EVPL: variants seen among roughly 807,000 people sequenced by gnomAD.
The protein encoded by EVPL is envoplakin, also known as 210 kDa cornified envelope precursor protein.
A neutral mutation model predicts 129.7 loss-of-function variants in EVPL; 94 were observed. That is an observed-to-expected ratio of 0.72 (90% confidence interval 0.61 to 0.86). The LOEUF (loss-of-function observed/expected upper bound fraction) is 0.86, where lower values mean the gene tolerates loss of function less well. Among genes scored for constraint, EVPL ranks in the 40% least tolerant of loss-of-function variants. EVPL has a pLI of 0.00. For missense variants in EVPL, 2,625 were observed against 2,721.1 expected (o/e 0.96, Z 0.79); for synonymous variants, 1,172 against 1,191.1 (o/e 0.98, Z 0.33).
rs1216001610 is a variant in EVPL, at chr17:76,024,880, A to G, written c.99-760T>C. Reference sequence around the variant, plus strand: ...CTGTGTGCATGCACTCACTGTGCGGAGGTCACAAGGTCAAGCAGACCTAAA... The same window carrying G: ...CTGTGTGCATGCACTCACTGTGCGGGGGTCACAAGGTCAAGCAGACCTAAA... On this transcript the variant is annotated intron_variant, in intron 1 of 21. Transcript: ENST00000301607. The surrounding 1 kb of genome is among the most constrained non-coding windows in gnomAD (Gnocchi z 4.5). 6.6e-6 allele frequency among the ~76,000 whole-genome samples: 1 copy of G among 152,190 alleles called. No individual in the cohort carries two copies. The highest frequency in any genetic ancestry group is 1.5e-5 in the Non-Finnish European group (1 of 68,030).
chr17:76,009,460 C>T lies in EVPL; in HGVS notation c.3745G>A (p.Glu1249Lys), dbSNP rs774132608. 3 of 1,614,148 alleles carry T rather than the reference C, an allele frequency of 1.9e-6. No homozygotes were observed. The South Asian group carries it at 3.3e-5, about 18-fold the overall frequency. ...EVLRAQKPTV[E>K]YKEVTQEVVR... ...ACCTCCTGGGTCACCTCCTTGTACT[C>T]CACCGTGGGCTTCTGGGCCCGCAGG... Residue 1249 changes from glutamate (E) to lysine (K), a missense_variant, in exon 22 of 22, where the codon GAG becomes AAG. Transcript: ENST00000301607. This position sits in a 1 kb window ranked among gnomAD's most constrained non-coding sequence, Gnocchi z 5.9.
Position 76,022,064 on chromosome 17 carries a change from G to C in EVPL, c.646-36C>G. 9.6e-6 allele frequency: 15 copies of C among 1,558,948 alleles called. No individual in the cohort carries two copies. The highest frequency in any genetic ancestry group is 1.3e-5 in the Non-Finnish European group (15 of 1,157,528). On this transcript the variant is annotated intron_variant, in intron 6 of 21. Transcript: ENST00000301607. This position sits in a 1 kb window ranked among gnomAD's most constrained non-coding sequence, Gnocchi z 5.6. ...GACCCGCCGCCAGCAGCAGGGTGGGGAGACAGAAAGTGGGGGGCAAAAGGC... is the reference window on the plus strand; with the variant it reads ...GACCCGCCGCCAGCAGCAGGGTGGGCAGACAGAAAGTGGGGGGCAAAAGGC...
Position 76,010,546 on chromosome 17 carries a change from G to A in EVPL, c.2662-3C>T. The stretch of plus-strand genomic sequence containing the variant: ...CGGATGTCCTCACTGAGCTCCTTCT[G>A]CAGAGAGGAAGAAGGGTAGAGCACG... On this transcript the variant is annotated splice_region_variant and splice_polypyrimidine_tract_variant and intron_variant, in intron 21 of 21. Coordinates refer to ENST00000301607, the MANE Select transcript of EVPL (RefSeq NM_001988.4). The A allele has an allele frequency of 6.2e-7, 1 of 1,609,218 alleles. No homozygotes were observed. Among genetic ancestry groups the A allele is most frequent in the Non-Finnish European group, 8.5e-7 (1 of 1,177,594 alleles).
At chr17:76,017,610 G>A (rs2066426291) in intron 14 of EVPL, 129 bp downstream of exon 14, 27 of 1,301,384 alleles carry the variant, frequency 2.1e-5, no homozygotes, top group South Asian at 1.9e-4. Flanking sequence ...GTCTGAGCCC[G>A]GGTCTGTCCA....
Position 76,015,097 on chromosome 17 carries a change from C to T in EVPL, c.2041G>A (p.Glu681Lys). ...ACGCAGGTCTGCTGTTCCAGCAGCTCCCTCCGCTGGCGCTGCAGGAGGAGG... is the reference window on the plus strand; with the variant it reads ...ACGCAGGTCTGCTGTTCCAGCAGCTTCCTCCGCTGGCGCTGCAGGAGGAGG... The part of the protein sequence containing the change: ...RVSELQRQRR[E>K]LLEQQTCVLR... Residue 681 changes from glutamate to lysine, a missense_variant, in exon 17 of 22, where the codon GAG (glutamate) becomes AAG (lysine). By Grantham distance (56) the Glu-to-Lys change is moderately conservative (BLOSUM62 1). Transcript: ENST00000301607. 1.3e-6 allele frequency: 2 copies of T among 1,574,364 alleles called. No homozygotes were observed. The highest frequency in any genetic ancestry group is 1.7e-6 in the Non-Finnish European group (2 of 1,160,176).
In EVPL at chr17:76,007,309, C is replaced by T. The variant is rs759685839; in HGVS notation, c.5896G>A (p.Glu1966Lys). The stretch of plus-strand genomic sequence containing the variant: ...TCCTGCAGGAGCTGGGCCAGCTCTT[C>T]ACTGATCATCCCGGAGAGGAGGGCC... The part of the protein sequence containing the change: ...QQALLSGMIS[E>K]ELAQLLQDES... The change falls in exon 22 of 22, where the codon GAA (glutamate) becomes AAA (lysine). Residue 1966 changes from glutamate (E) to lysine (K), a missense_variant. Around this residue, in one of 4 missense-constraint regions of EVPL, gnomAD observed 1,453 missense variants for 1,511.8 expected, o/e 0.96. Transcript: ENST00000301607. The surrounding 1 kb of genome is among the most constrained non-coding windows in gnomAD (Gnocchi z 8.8). 4.5e-6 allele frequency: 7 copies of T among 1,557,538 alleles called. No individual in the cohort carries two copies. The highest frequency in any genetic ancestry group is 6.1e-6 in the Non-Finnish European group (7 of 1,149,102).
rs1328887062 is a variant in EVPL at position 76,009,903 on chromosome 17, T to TC, written c.3301dup (p.Glu1101GlyfsTer161). 1 of 1,614,042 alleles carries TC rather than the reference T, an allele frequency of 6.2e-7. No individual in the cohort carries two copies. Among genetic ancestry groups the TC allele is most frequent in the African/African-American group, 1.3e-5 (1 of 74,936 alleles). The stretch of plus-strand genomic sequence containing the variant: ...CGCCTGCTTCCTCCGCGCAGCATCC[T>TC]CCTCCATCTGCAGCCTCAGAGCCTG... On this transcript the variant is annotated frameshift_variant, in exon 22 of 22. Coordinates refer to ENST00000301607, the MANE Select transcript of EVPL (RefSeq NM_001988.4). LOFTEE classifies it low-confidence loss of function (END_TRUNC). The surrounding 1 kb of genome is among the most constrained non-coding windows in gnomAD (Gnocchi z 5.9).
At position 76,021,671 on chromosome 17, in the gene EVPL, C is replaced by A. The variant is rs774703461; in HGVS notation, c.915+3G>T. 1.2e-6 allele frequency: 2 copies of A among 1,606,992 alleles called. No individual in the cohort carries two copies. The highest frequency in any genetic ancestry group is 1.1e-5 in the South Asian group (1 of 90,310). ...TTCTCACTCTCGCCCTGCCCCAGCG[C>A]ACCTGGATGGGCCCCACCGCGGGGT... is the stretch of plus-strand genomic sequence containing the variant. On this transcript the variant is annotated splice_donor_region_variant and intron_variant, in intron 8 of 21. Coordinates refer to ENST00000301607, the MANE Select transcript of EVPL (RefSeq NM_001988.4).
rs1022795455 is a variant in EVPL, at chr17:76,013,315, C to T, written c.2373+1111G>A. ...CCCCCTTCCCAATGTCACCTCCCTA[C>T]TCTCTCCCCAGATATTCTCATTTTC... is the stretch of plus-strand genomic sequence containing the variant. On this transcript the variant is annotated intron_variant, in intron 18 of 21. Transcript: ENST00000301607. This position sits in a 1 kb window ranked among gnomAD's most constrained non-coding sequence, Gnocchi z 4.3. Among the ~76,000 whole-genome samples the T allele has an allele frequency of 2.0e-5, 3 of 152,130 alleles. No individual in the cohort carries two copies. The highest frequency in any genetic ancestry group is 4.4e-5 in the Non-Finnish European group (3 of 68,006).
Position 76,011,878 on chromosome 17 carries a change from TA to T in EVPL, c.2461del (p.Tyr821MetfsTer97). The T allele has an allele frequency of 6.2e-7, 1 of 1,613,262 alleles. No homozygotes were observed. Among genetic ancestry groups the T allele is most frequent in the African/African-American group, 1.3e-5 (1 of 74,964 alleles). On this transcript the variant is annotated frameshift_variant, in exon 20 of 22. Coordinates refer to ENST00000301607, the MANE Select transcript of EVPL (RefSeq NM_001988.4). LOFTEE classifies it high-confidence loss of function. ...SQALQAALQD[Y>X]ELQADTYRCS... ...GCGGTAGGTGTCTGCCTGGAGCTCA[TA>T]GTCCTGAGCAGGGAGGAAAGGACAG...
chr17:76,009,298 G>A lies in EVPL; in HGVS notation c.3907C>T (p.Arg1303Cys), dbSNP rs779308644. ...RLQGERDEWR[R>C]ERAKVETKTV... is the part of the protein sequence containing the mutation. ...TTGGTCTCCACCTTGGCCCGCTCGC[G>A]CCTCCACTCGTCGCGCTCACCCTGC... The change falls in exon 22 of 22, where the codon CGC (arginine) becomes TGC (cysteine). Residue 1303 changes from arginine (R) to cysteine (C), a missense_variant. This residue lies in a region of EVPL where 1,453 missense variants were observed against 1,511.8 expected (regional missense o/e 0.96). Transcript: ENST00000301607. The surrounding 1 kb of genome is among the most constrained non-coding windows in gnomAD (Gnocchi z 5.9). The A allele has an allele frequency of 5.6e-6, 9 of 1,608,684 alleles. No individual in the cohort carries two copies. The highest frequency in any genetic ancestry group is 1.7e-5 in the Admixed American group (1 of 59,992).
chr17:76,007,432 A>G lies in EVPL; in HGVS notation c.5773T>C (p.Trp1925Arg), dbSNP rs549630009. Residue 1925 changes from tryptophan (W) to arginine (R), a missense_variant, in exon 22 of 22, where the codon TGG (tryptophan) becomes CGG (arginine). Coordinates refer to ENST00000301607, the MANE Select transcript of EVPL (RefSeq NM_001988.4). The surrounding 1 kb of genome is among the most constrained non-coding windows in gnomAD (Gnocchi z 8.8). ...LSVGEAVQKG[W>R]MPRESVLPHL... ...GGGAGCACGCTCTCCCGGGGCATCCAGCCCTTCTGGACGGCCTCGCCCACC... is the reference window on the plus strand; with the variant it reads ...GGGAGCACGCTCTCCCGGGGCATCCGGCCCTTCTGGACGGCCTCGCCCACC... 1 of 1,606,242 alleles carries G rather than the reference A, an allele frequency of 6.2e-7. No individual in the cohort carries two copies. The highest frequency in any genetic ancestry group is 1.3e-5 in the African/African-American group (1 of 74,806).
rs762565097 is a variant in EVPL at position 76,009,092 on chromosome 17, C to T, written c.4113G>A (p.Val1371=). ...LERRKPEEKV[V]VQEVVVTQKD... ...TCTGGGTGACCACCACCTCCTGCAC[C>T]ACCACCTTCTCCTCGGGCTTCCTCC... Residue 1371 remains valine (V), a synonymous_variant, in exon 22 of 22, where the codon GTG becomes GTA. Coordinates refer to ENST00000301607, the MANE Select transcript of EVPL (RefSeq NM_001988.4). The surrounding 1 kb of genome is among the most constrained non-coding windows in gnomAD (Gnocchi z 5.9). 2 of 1,613,370 alleles carry T rather than the reference C, an allele frequency of 1.2e-6. No individual in the cohort carries two copies. Among genetic ancestry groups the T allele is most frequent in the Non-Finnish European group, 1.7e-6 (2 of 1,179,546 alleles).
chr17:76,012,056 C>G lies in EVPL; in HGVS notation c.2407G>C (p.Asp803His), dbSNP rs761071739. 3 of 1,612,056 alleles carry G rather than the reference C, an allele frequency of 1.9e-6. No individual in the cohort carries two copies. In the Admixed American group the frequency reaches 5.0e-5, roughly 27 times the overall value. The stretch of plus-strand genomic sequence containing the variant: ...GAGAGGTGGGATGCTGTGGCCCTGT[C>G]CCGCTCTCGGCTCTGGATCTCCTGC... Reference protein sequence around the residue: ...LTQEIQSRERDRATASHLSQA... With the variant: ...LTQEIQSRERHRATASHLSQA... The change falls in exon 19 of 22, where the codon GAC becomes CAC. Residue 803 changes from aspartate (D) to histidine (H), a missense_variant. By Grantham distance (81) the Asp-to-His change is moderately conservative (BLOSUM62 -1). This residue lies in a region of EVPL where 1,024 missense variants were observed against 997.5 expected (regional missense o/e 1.03). Coordinates refer to ENST00000301607, the MANE Select transcript of EVPL (RefSeq NM_001988.4).
intron 9 of EVPL, among the ~76,000 whole-genome samples, chr17:76,020,505 G>A (rs1368196415): frequency 6.6e-6 from 1 of 152,042 alleles, no homozygotes; most frequent in African/African-American, 2.4e-5. Context: ...TGCTTTGACG[G>A]AATTTTTGTC....
In EVPL at chr17:76,008,987, C is replaced by A; in HGVS notation, c.4218G>T (p.Glu1406Asp). 6.2e-7 allele frequency: 1 copy of A among 1,611,930 alleles called. No individual in the cohort carries two copies. The highest frequency in any genetic ancestry group is 1.1e-5 in the South Asian group (1 of 91,064). ...DEEVGRRRQL[E>D]LEVQQLRAGV... Reference sequence around the variant, plus strand: ...CGGCCCGCAGCTGCTGCACCTCAAGCTCTAGCTGGCGCCGCCGGCCCACCT... The same window carrying A: ...CGGCCCGCAGCTGCTGCACCTCAAGATCTAGCTGGCGCCGCCGGCCCACCT... The change falls in exon 22 of 22, where the codon GAG (glutamate) becomes GAT (aspartate). Residue 1406 changes from glutamate (E) to aspartate (D), a missense_variant. Transcript: ENST00000301607. This position sits in a 1 kb window ranked among gnomAD's most constrained non-coding sequence, Gnocchi z 7.4.
Position 76,009,530 on chromosome 17 carries a change from G to T in EVPL, c.3675C>A (p.Ser1225Arg), listed in dbSNP as rs75019874. ...AKLQEMAGKR[S>R]GVEKEVEKLL... ...GCTTCTCCACCTCCTTCTCCACACCGCTCCTCTTGCCCGCCATCTCCTGCA... is the reference window on the plus strand; with the variant it reads ...GCTTCTCCACCTCCTTCTCCACACCTCTCCTCTTGCCCGCCATCTCCTGCA... The change falls in exon 22 of 22, where the codon AGC (serine) becomes AGA (arginine). Residue 1225 changes from serine to arginine, a missense_variant. This residue lies in a region of EVPL where 1,453 missense variants were observed against 1,511.8 expected (regional missense o/e 0.96). Transcript: ENST00000301607. This position sits in a 1 kb window ranked among gnomAD's most constrained non-coding sequence, Gnocchi z 5.9. The T allele has an allele frequency of 1.9e-6, 3 of 1,613,952 alleles. No homozygotes were observed. The highest frequency in any genetic ancestry group is 2.5e-6 in the Non-Finnish European group (3 of 1,179,994).
At position 76,008,437 on chromosome 17, in the gene EVPL, G is replaced by A; in HGVS notation, c.4768C>T (p.Gln1590Ter). 6.3e-7 allele frequency: 1 copy of A among 1,591,666 alleles called. No individual in the cohort carries two copies. Among genetic ancestry groups the A allele is most frequent in the Non-Finnish European group, 8.5e-7 (1 of 1,175,104 alleles). The change falls in exon 22 of 22, where the codon CAG becomes TAG. Residue 1590 changes from glutamine to a stop codon, truncating the protein, a stop_gained. Coordinates refer to ENST00000301607, the MANE Select transcript of EVPL (RefSeq NM_001988.4). LOFTEE classifies it low-confidence loss of function (END_TRUNC). This position sits in a 1 kb window ranked among gnomAD's most constrained non-coding sequence, Gnocchi z 7.4. ...TCCTGCTGCAGCCGCCCACACTCCT[G>A]GTCGGCCTGGTCCCGGGCCCTCTGC... is the stretch of plus-strand genomic sequence containing the variant. ...ELQRARDQAD[Q>*]ECGRLQQELR...
rs767660869 is a variant in EVPL, at chr17:76,019,574, G to C, written c.1091C>G (p.Pro364Arg). The change falls in exon 10 of 22, where the codon CCT (proline) becomes CGT (arginine). Residue 364 changes from proline to arginine, a missense_variant. Transcript: ENST00000301607. ...TGTGGGGGCGCCAGGGGGGCCCCCA[G>C]GTGCAGGGCTGTACTTGGCATCCAA... ...SNLDAKYSPA[P>R]GGPPGAPTEL... is the part of the protein sequence containing the mutation. The C allele has an allele frequency of 6.3e-7, 1 of 1,582,828 alleles. No homozygotes were observed. The highest frequency in any genetic ancestry group is 8.6e-7 in the Non-Finnish European group (1 of 1,169,008).
Sources: gnomAD v4.1 joint callset for allele counts (sites outside exome capture counted in the v4.1 genomes callset) on GRCh38, gnomAD v4.1.1 for gene constraint, gnomAD v4.1.1 regional missense constraint, Gnocchi (gnomAD v3.1) non-coding constraint, MANE v1.5 for transcripts, NCBI Gene and HGNC (gene_info 2026-07-23, HGNC 2026-07-21) for gene names.